The following SRD5A2 variants were observed in gnomAD, a reference collection of about 807,000 sequenced individuals.
The protein encoded by SRD5A2 is 3-oxo-5-alpha-steroid 4-dehydrogenase 2.
SRD5A2 carries 30 observed loss-of-function variants against 27.4 expected under a neutral mutation model. The observed-to-expected ratio is 1.10, with a 90% CI of 0.82 to 1.49. The LOEUF is 1.49. Ranked by LOEUF, SRD5A2 falls within the 40% of genes most tolerant of loss-of-function variation. SRD5A2 has a pLI of 0.00. For missense variants in SRD5A2, 348 were observed against 323.4 expected (o/e 1.08, Z -0.58); for synonymous variants, 141 against 133.6 (o/e 1.06, Z -0.38).
At chr2:31,631,257 A>G in the SRD5A2 span, among the ~76,000 whole-genome samples, 1 of 152,154 alleles carries the variant, frequency 6.6e-6, no homozygotes, top group Non-Finnish European at 1.5e-5. Context: ...GGACCACTAG[A>G]ATCCAGCAGC....
the SRD5A2 span, among the ~76,000 whole-genome samples, chr2:31,642,349 C>G: frequency 6.6e-6 from 1 of 151,914 alleles, no homozygotes; most frequent in Admixed American, 6.6e-5. Flanking sequence ...ACTTTTTGAC[C>G]AAGTCCTTGC....
chr2:31,619,098 G>A, the SRD5A2 span, among the ~76,000 whole-genome samples: 2 of 152,148 alleles, frequency 1.3e-5, no homozygotes, highest in Non-Finnish European at 2.9e-5. Context: ...AATGCAAATC[G>A]AAATCACATT....
chr2:31,609,665 T>C, the SRD5A2 span, among the ~76,000 whole-genome samples: 3 of 152,116 alleles, frequency 2.0e-5, no homozygotes, highest in African/African-American at 7.2e-5. Context: ...ATAAAACTCT[T>C]AGAAGAATAC....
intron 1 of SRD5A2, among the ~76,000 whole-genome samples, chr2:31,546,860 G>A (rs1046185514): frequency 6.6e-6 from 1 of 152,160 alleles, no homozygotes; most frequent in Non-Finnish European, 1.5e-5. Context: ...ACTTTGGGAG[G>A]CCAAGGAGGG....
the SRD5A2 span, among the ~76,000 whole-genome samples, chr2:31,587,922 A>G: frequency 6.6e-6 from 1 of 152,186 alleles, no homozygotes; most frequent in Non-Finnish European, 1.5e-5. Context: ...ATTTTTAAAA[A>G]TTTTAAAAAG....
chr2:31,540,483 A>G (rs1666107994), intron 1 of SRD5A2, among the ~76,000 whole-genome samples: 1 of 152,212 alleles, frequency 6.6e-6, no homozygotes, highest in African/African-American at 2.4e-5. Flanking sequence ...TAGTCAGGGT[A>G]AACGTAATAA....
chr2:31,533,101 T>C (rs560355137), intron 2 of SRD5A2, among the ~76,000 whole-genome samples: 1 of 152,248 alleles, frequency 6.6e-6, no homozygotes. Context: ...ATCATTGGTG[T>C]TAGTGAATTA....
chr2:31,573,714 C>T (rs1558375134), intron 1 of SRD5A2, among the ~76,000 whole-genome samples: 1 of 152,298 alleles, frequency 6.6e-6, no homozygotes, highest in African/African-American at 2.4e-5. Flanking sequence ...AATCTGGGAG[C>T]AGGACCTGCC....
chr2:31,611,395 A>G, the SRD5A2 span, among the ~76,000 whole-genome samples: 1 of 152,202 alleles, frequency 6.6e-6, no homozygotes, highest in Admixed American at 6.5e-5. Flanking sequence ...CACCATTAAG[A>G]AACTGAATTG....
chr2:31,591,885 A>G, the SRD5A2 span, among the ~76,000 whole-genome samples: 1 of 139,378 alleles, frequency 7.2e-6, no homozygotes, highest in Non-Finnish European at 1.5e-5. Context: ...GGAATTGAAC[A>G]ATGAGAACAC....
the SRD5A2 span, among the ~76,000 whole-genome samples, chr2:31,592,605 A>G: frequency 6.6e-6 from 1 of 152,184 alleles, no homozygotes; most frequent in South Asian, 2.1e-4. Context: ...GGCAATAGCA[A>G]TCACTCCAGT....
chr2:31,607,748 T>G, the SRD5A2 span, among the ~76,000 whole-genome samples: 2 of 152,022 alleles, frequency 1.3e-5, no homozygotes, highest in African/African-American at 4.8e-5. Context: ...TATTTTTTTA[T>G]TTTCGTCTTA....
chr2:31,656,019 C>T, the SRD5A2 span, among the ~76,000 whole-genome samples: 1 of 152,168 alleles, frequency 6.6e-6, no homozygotes, highest in Non-Finnish European at 1.5e-5. Flanking sequence ...GACAGAGGTA[C>T]AAAACTGGTA....
chr2:31,608,159 T>C, the SRD5A2 span, among the ~76,000 whole-genome samples: 3 of 152,064 alleles, frequency 2.0e-5, no homozygotes, highest in Admixed American at 2.0e-4. Context: ...ATAATTTTAT[T>C]ATAACATTGT....
the SRD5A2 span, among the ~76,000 whole-genome samples, chr2:31,657,377 TTTA>T: frequency 6.6e-6 from 1 of 152,216 alleles, no homozygotes; most frequent in Non-Finnish European, 1.5e-5. Context: ...AATTTAATGA[TTTA>T]TAATAGGTAC....
At chr2:31,590,626 A>G in the SRD5A2 span, among the ~76,000 whole-genome samples, 8 of 152,334 alleles carry the variant, frequency 5.3e-5, no homozygotes, top group East Asian at 1.9e-4. Context: ...TGCCAAGTCA[A>G]TCCTAAGCCA....
the SRD5A2 span, among the ~76,000 whole-genome samples, chr2:31,645,785 T>C: frequency 2.0e-5 from 3 of 152,192 alleles, no homozygotes; most frequent in Non-Finnish European, 4.4e-5. Context: ...ATAAAATAGA[T>C]ATTGAATGAA....
intron 4 of SRD5A2, among the ~76,000 whole-genome samples, chr2:31,527,398 C>T (rs1329679001): frequency 1.3e-5 from 2 of 152,250 alleles, no homozygotes; most frequent in African/African-American, 2.4e-5. Context: ...GGGCTGCCTC[C>T]GCCCGTGCTG....
the SRD5A2 span, among the ~76,000 whole-genome samples, chr2:31,626,292 G>A: frequency 1.3e-5 from 2 of 152,144 alleles, no homozygotes; most frequent in South Asian, 4.1e-4. Context: ...ATGCAATCAT[G>A]TCATCTGCAA....
Sources: gnomAD v4.1 joint callset for allele counts (sites outside exome capture counted in the v4.1 genomes callset) on GRCh38, gnomAD v4.1.1 for gene constraint, MANE v1.5 for transcripts, NCBI Gene and HGNC (gene_info 2026-07-23, HGNC 2026-07-21) for gene names.